Variants in IFFO2 observed in about 807,000 individuals in gnomAD.
IFFO2 encodes the protein intermediate filament family orphan 2.
A neutral mutation model predicts 53.5 loss-of-function variants in IFFO2; 19 were observed. The ratio of observed to expected loss-of-function variants is 0.36; its 90% CI spans 0.25 to 0.52. The LOEUF is 0.52. Ranked by LOEUF, IFFO2 falls within the 20% of genes least tolerant of loss-of-function variation. The probability of loss-of-function intolerance (pLI) is 0.94; values close to 1 mark genes in which losing one functional copy is unlikely to be tolerated. For missense variants in IFFO2, 570 were observed against 727.4 expected (o/e 0.78, Z 2.49); for synonymous variants, 303 against 313.6 (o/e 0.97, Z 0.36).
Position 18,917,438 on chromosome 1 carries a change from G to C in IFFO2, c.964-396C>G, listed in dbSNP as rs1936149295. On this transcript the variant is annotated intron_variant, in intron 4 of 8. Coordinates refer to ENST00000455833, the MANE Select transcript of IFFO2 (RefSeq NM_001136265.2). The surrounding 1 kb of genome is among the most constrained non-coding windows in gnomAD (Gnocchi z 5.9). ...AGGCTATACGGCCCCATGCTGACCAGAGCCCTCCTGCTCACATGCAAAGGC... is the reference window on the plus strand; with the variant it reads ...AGGCTATACGGCCCCATGCTGACCACAGCCCTCCTGCTCACATGCAAAGGC... 6.6e-6 allele frequency among the ~76,000 whole-genome samples: 1 copy of C among 152,176 alleles called. No individual in the cohort carries two copies. Among genetic ancestry groups the C allele is most frequent in the Non-Finnish European group, 1.5e-5 (1 of 68,026 alleles).
At chr1:18,954,738 G>A (rs575499200) in intron 1 of IFFO2, among the ~76,000 whole-genome samples, 1 of 152,364 alleles carries the variant, frequency 6.6e-6, no homozygotes, top group Admixed American at 6.5e-5. Flanking sequence ...CAGACAGGAA[G>A]CAATGACAGT....
chr1:18,956,298 A>G lies in IFFO2; in HGVS notation c.35T>C (p.Leu12Ser), dbSNP rs569360166. ...VNSLLFGEMA[L>S]AFGCPPGGGG... The stretch of plus-strand genomic sequence containing the variant: ...GCCGCCCGGCGGGCAGCCGAAGGCC[A>G]AGGCCATCTCCCCGAACAGCAGCGA... Residue 12 changes from leucine to serine, a missense_variant, in exon 1 of 9, where the codon TTG (leucine) becomes TCG (serine). Physicochemically the swap from Leu to Ser is moderately radical, Grantham distance 145. Transcript: ENST00000455833. This position sits in a 1 kb window ranked among gnomAD's most constrained non-coding sequence, Gnocchi z 6.4. 4 of 552,094 alleles carry G rather than the reference A, an allele frequency of 7.2e-6. No individual in the cohort carries two copies. The South Asian group carries it at 1.8e-4, about 24-fold the overall frequency. 34.2% of individuals were successfully genotyped at this position (552,094 alleles called of 1,614,324 possible).
chr1:18,955,608 C>A, intron 1 of IFFO2, 60 bp downstream of exon 1: 1 of 1,500,988 alleles, frequency 6.7e-7, no homozygotes. Flanking sequence ...ATACGCATTC[C>A]GCGGCAGCCT....
At position 18,919,675 on chromosome 1, in the gene IFFO2, T is replaced by TA; in HGVS notation, c.822+2dup. The TA allele has an allele frequency of 6.5e-7, 1 of 1,549,858 alleles. No individual in the cohort carries two copies. On this transcript the variant is annotated splice_region_variant and intron_variant, in intron 3 of 8. Coordinates refer to ENST00000455833, the MANE Select transcript of IFFO2 (RefSeq NM_001136265.2). This position sits in a 1 kb window ranked among gnomAD's most constrained non-coding sequence, Gnocchi z 4.9. ...ACACCCAGGGGCGGCGGGCGGCACT[T>TA]ACGTCACTCATAAGCCCCTTAAACA...
chr1:18,910,374 G>A lies in IFFO2; in HGVS notation c.1416C>T (p.Thr472=), dbSNP rs766322747. 27 of 1,613,398 alleles carry A rather than the reference G, an allele frequency of 1.7e-5. No homozygotes were observed. In the African/African-American group the frequency reaches 2.5e-4, roughly 15 times the overall value. Reference sequence around the variant, plus strand: ...CGGAGCCTTTGATGAGCCGGCGGCAGGTCTCCATCTGCACGTCCAGGCCTC... The same window carrying A: ...CGGAGCCTTTGATGAGCCGGCGGCAAGTCTCCATCTGCACGTCCAGGCCTC... ...MKRGLDVQME[T]CRRLIKGSAD... is the part of the protein sequence containing the mutation. The change falls in exon 8 of 9, where the codon ACC becomes ACT. Residue 472 remains threonine (T), a synonymous_variant. Transcript: ENST00000455833.
At chr1:18,923,369 C>T (rs571708736) in intron 1 of IFFO2, among the ~76,000 whole-genome samples, 127 of 152,290 alleles carry the variant, frequency 8.3e-4, no homozygotes, top group African/African-American at 2.9e-3. Context: ...CTTGTACAGA[C>T]GGAGAAAACG....
chr1:18,946,655 G>C (rs914421712), intron 1 of IFFO2, among the ~76,000 whole-genome samples: 25 of 151,752 alleles, frequency 1.6e-4, no homozygotes, highest in African/African-American at 5.8e-4. Context: ...CTGACCTCAT[G>C]ATCTACCCGC....
chr1:18,949,386 T>C (rs1172533082), intron 1 of IFFO2, among the ~76,000 whole-genome samples: 1 of 151,856 alleles, frequency 6.6e-6, no homozygotes, highest in African/African-American at 2.4e-5. Context: ...GATCGGGAGG[T>C]GGTGGGTGCT....
At chr1:18,941,983 C>G (rs1319333370) in intron 1 of IFFO2, among the ~76,000 whole-genome samples, 1 of 152,232 alleles carries the variant, frequency 6.6e-6, no homozygotes, top group Non-Finnish European at 1.5e-5. Flanking sequence ...TGACAGTCTG[C>G]TCGAGAAGAG....
Position 18,919,367 on chromosome 1 carries a change from A to G in IFFO2, c.822+311T>C, listed in dbSNP as rs192564802. The stretch of plus-strand genomic sequence containing the variant: ...CGCCCAGACACCGAGGCCTGCCCTC[A>G]TCAAGGCGAGCTGGGAAGGAGTGGG... On this transcript the variant is annotated intron_variant, in intron 3 of 8. Transcript: ENST00000455833. The surrounding 1 kb of genome is among the most constrained non-coding windows in gnomAD (Gnocchi z 4.9). 5.5e-4 allele frequency among the ~76,000 whole-genome samples: 83 copies of G among 152,266 alleles called. No homozygotes were observed. The highest frequency in any genetic ancestry group is 1.9e-3 in the African/African-American group (80 of 41,550).
intron 1 of IFFO2, among the ~76,000 whole-genome samples, chr1:18,943,766 C>T (rs955540598): frequency 6.6e-6 from 1 of 152,228 alleles, no homozygotes; most frequent in African/African-American, 2.4e-5. Context: ...GGAGAAGTGC[C>T]TTTTGCGACA....
chr1:18,955,975 CG>C lies in IFFO2; in HGVS notation c.357del (p.Gly120AlafsTer93). ...CCACTGCTGAGGCCGTGCCCGCCGC[CG>C]GGCGCCGGGGGCCGCAGCAACTCGG... The part of the protein sequence containing the change: ...TGPELLRPPA[P>X]GGGHGLSSGA... On this transcript the variant is annotated frameshift_variant, in exon 1 of 9. Transcript: ENST00000455833. LOFTEE classifies it high-confidence loss of function. 1.5e-6 allele frequency: 2 copies of C among 1,327,800 alleles called. No individual in the cohort carries two copies. The highest frequency in any genetic ancestry group is 9.7e-7 in the Non-Finnish European group (1 of 1,031,896). The allele number at this position is 1,327,800 out of a possible 1,614,324, so 82.3% of individuals were successfully genotyped here. A position where few individuals can be genotyped will look rare whatever the true frequency, so the allele number is the denominator to read the frequency against.
At chr1:18,940,990 G>T (rs576346732) in intron 1 of IFFO2, among the ~76,000 whole-genome samples, 11 of 152,290 alleles carry the variant, frequency 7.2e-5, no homozygotes, top group Non-Finnish European at 1.2e-4. Flanking sequence ...AGACTCTAGT[G>T]GTGGAACCCA....
intron 1 of IFFO2, among the ~76,000 whole-genome samples, chr1:18,929,838 C>T (rs1557644701): frequency 6.6e-6 from 1 of 152,244 alleles, no homozygotes; most frequent in East Asian, 1.9e-4. Flanking sequence ...TCCTCTGGCA[C>T]CACTTTCCCA....
At chr1:18,913,737 G>A (rs550698090) in intron 5 of IFFO2, among the ~76,000 whole-genome samples, 2 of 152,360 alleles carry the variant, frequency 1.3e-5, no homozygotes, top group Admixed American at 6.5e-5. Context: ...GCCTGGGGTG[G>A]GGTCAGGGCG....
intron 1 of IFFO2, among the ~76,000 whole-genome samples, chr1:18,940,440 T>C (rs562090108): frequency 1.2e-4 from 19 of 152,266 alleles, no homozygotes; most frequent in Admixed American, 1.2e-3. Context: ...AACAGTTCCT[T>C]GGCAAGCTCC....
At chr1:18,938,486 G>A (rs1341507942) in intron 1 of IFFO2, among the ~76,000 whole-genome samples, 3 of 152,188 alleles carry the variant, frequency 2.0e-5, no homozygotes, top group Non-Finnish European at 4.4e-5. Flanking sequence ...GGTATCCAGA[G>A]TGACCAAGTG....
intron 1 of IFFO2, among the ~76,000 whole-genome samples, chr1:18,953,368 C>A (rs758732770): frequency 2.6e-5 from 4 of 152,094 alleles, no homozygotes; most frequent in South Asian, 2.1e-4. Flanking sequence ...CTTAGGGATA[C>A]CCAAAACATA....
chr1:18,917,847 G>A lies in IFFO2; in HGVS notation c.963+515C>T, dbSNP rs573263799. 6.6e-6 allele frequency among the ~76,000 whole-genome samples: 1 copy of A among 152,302 alleles called. No homozygotes were observed. The highest frequency in any genetic ancestry group is 2.1e-4 in the South Asian group (1 of 4,822). Reference sequence around the variant, plus strand: ...CACACTTGCACGTTAGGTCGGGGGGGTATCGAGAGCCTCTTTGGGGTGGAA... The same window carrying A: ...CACACTTGCACGTTAGGTCGGGGGGATATCGAGAGCCTCTTTGGGGTGGAA... On this transcript the variant is annotated intron_variant, in intron 4 of 8. Coordinates refer to ENST00000455833, the MANE Select transcript of IFFO2 (RefSeq NM_001136265.2). This position sits in a 1 kb window ranked among gnomAD's most constrained non-coding sequence, Gnocchi z 5.9.
Sources: allele counts gnomAD v4.1 joint callset (sites outside exome capture counted in the v4.1 genomes callset), GRCh38; gene constraint gnomAD v4.1.1; non-coding constraint Gnocchi (gnomAD v3.1); transcripts MANE v1.5; gene names NCBI Gene and HGNC (gene_info 2026-07-23, HGNC 2026-07-21).